The following CDH5 variants were observed in gnomAD, a reference collection of about 807,000 sequenced individuals.
CDH5 encodes cadherin-5.
Under a neutral mutation model 62.0 loss-of-function variants are expected in CDH5, and 28 were observed. The ratio of observed to expected loss-of-function variants is 0.45; its 90% confidence interval spans 0.33 to 0.62. The LOEUF is 0.62. CDH5 is among the 20% of genes least tolerant of loss of function. The pLI is 0.02. For synonymous variants in CDH5, 464 were observed against 445.8 expected (o/e 1.04, Z -0.52); for missense variants, 940 against 1,065.1 (o/e 0.88, Z 1.63).
At position 66,386,884 on chromosome 16, in the gene CDH5, G is replaced by T; in HGVS notation, c.286G>T (p.Asp96Tyr). 4 of 1,614,188 alleles carry T rather than the reference G, an allele frequency of 2.5e-6. No individual in the cohort carries two copies. The highest frequency in any genetic ancestry group is 1.6e-4 in the Middle Eastern group (1 of 6,062). ...ATATGTGGGCAAGGTCTTCCGGGTC[G>T]ATGCAGAGACAGGAGACGTGTTCGC... is the stretch of plus-strand genomic sequence containing the variant. Reference protein sequence around the residue: ...GEYVGKVFRVDAETGDVFAIE... With the variant: ...GEYVGKVFRVYAETGDVFAIE... Residue 96 changes from aspartate to tyrosine, a missense_variant, in exon 3 of 12, where the codon GAT (aspartate) becomes TAT (tyrosine). Coordinates refer to ENST00000341529, the MANE Select transcript of CDH5 (RefSeq NM_001795.5).
chr16:66,387,213 T>C (rs1034568665), intron 3 of CDH5, 116 bp downstream of exon 3: 75 of 922,954 alleles, frequency 8.1e-5, no homozygotes, highest in Non-Finnish European at 1.1e-4. Flanking sequence ...GGGTAGTGAT[T>C]GTAATGCCTG....
chr16:66,403,195 G>T lies in CDH5; in HGVS notation c.*26G>T. The T allele has an allele frequency of 1.3e-6, 2 of 1,586,160 alleles. No individual in the cohort carries two copies. The highest frequency in any genetic ancestry group is 1.1e-5 in the South Asian group (1 of 88,214). ...GCGGCCGAGGTCACTCTGGGCCTGG[G>T]GACCCAAACCCCCTGCAGCCCAGGC... On this transcript the variant is annotated 3_prime_UTR_variant, in exon 12 of 12. Transcript: ENST00000341529. The surrounding 1 kb of genome is among the most constrained non-coding windows in gnomAD (Gnocchi z 4.3).
intron 10 of CDH5, among the ~76,000 whole-genome samples, chr16:66,400,262 T>C (rs367805576): frequency 6.6e-6 from 1 of 152,246 alleles, no homozygotes; most frequent in Admixed American, 6.5e-5. Flanking sequence ...GTAATCATTT[T>C]CTCTGTGCCC....
chr16:66,402,956 C>G lies in CDH5; in HGVS notation c.2142C>G (p.Asp714Glu), dbSNP rs772939635. ...EMAAMIEVKK[D>E]EADHDGDGPP... is the part of the protein sequence containing the mutation. Reference sequence around the variant, plus strand: ...CAGCCATGATCGAGGTGAAGAAGGACGAGGCGGACCACGACGGCGACGGCC... The same window carrying G: ...CAGCCATGATCGAGGTGAAGAAGGAGGAGGCGGACCACGACGGCGACGGCC... Residue 714 changes from aspartate to glutamate, a missense_variant, in exon 12 of 12, where the codon GAC (aspartate) becomes GAG (glutamate). Physicochemically the swap from Asp to Glu is conservative, Grantham distance 45 (BLOSUM62 2). Coordinates refer to ENST00000341529, the MANE Select transcript of CDH5 (RefSeq NM_001795.5). 2.5e-6 allele frequency: 4 copies of G among 1,612,792 alleles called. No homozygotes were observed. Among genetic ancestry groups the G allele is most frequent in the Non-Finnish European group, 3.4e-6 (4 of 1,179,930 alleles).
At chr16:66,370,322 T>G (rs918678929) in intron 1 of CDH5, among the ~76,000 whole-genome samples, 54 of 152,070 alleles carry the variant, frequency 3.6e-4, no homozygotes, top group Admixed American at 3.1e-3. Flanking sequence ...AGAAGGATAA[T>G]TTTGTTGTCA....
chr16:66,395,695 C>T (rs975463082), intron 7 of CDH5: 20 of 167,772 alleles, frequency 1.2e-4, no homozygotes, highest in Non-Finnish European at 2.2e-4. Flanking sequence ...TACTTCTTAT[C>T]TCTTCCAGCT....
At chr16:66,400,588 C>A (rs919345846) in intron 10 of CDH5, among the ~76,000 whole-genome samples, 183 bp from the exon 11 acceptor site, 5 of 152,280 alleles carry the variant, frequency 3.3e-5, no homozygotes, top group Admixed American at 2.0e-4. Context: ...CCCAAAATAT[C>A]CCCTCTGTGG....
At chr16:66,371,562 C>T (rs534938936) in intron 1 of CDH5, among the ~76,000 whole-genome samples, 2 of 152,304 alleles carry the variant, frequency 1.3e-5, no homozygotes, top group African/African-American at 4.8e-5. Context: ...GGGGTGTGCA[C>T]TTGTGAAGGC....
rs1045649459 is a variant in CDH5 at position 66,390,020 on chromosome 16, A to T, written c.782-383A>T. On this transcript the variant is annotated intron_variant, in intron 5 of 11. Coordinates refer to ENST00000341529, the MANE Select transcript of CDH5 (RefSeq NM_001795.5). ...CCATGCCTGGGGCAGATGGCTCTCC[A>T]CTTGCAACTCCCAGTGCTGATACTG... is the stretch of plus-strand genomic sequence containing the variant. Among the ~76,000 whole-genome samples, 4 of 152,216 alleles carry T rather than the reference A, an allele frequency of 2.6e-5. No individual in the cohort carries two copies. The East Asian group carries it at 7.7e-4, about 29-fold the overall frequency.
intron 11 of CDH5, among the ~76,000 whole-genome samples, 189 bp from the exon 12 acceptor site, chr16:66,402,463 C>A (rs1961300993): frequency 1.1e-5 from 1 of 89,820 alleles, no homozygotes; most frequent in East Asian, 4.4e-4. Flanking sequence ...TATGGGGGAA[C>A]GGCGGGGATG....
At chr16:66,392,524 A>G in intron 7 of CDH5, 141 bp downstream of exon 7, 2 of 1,197,464 alleles carry the variant, frequency 1.7e-6, no homozygotes, top group Non-Finnish European at 2.3e-6. Context: ...GCAAGACCAG[A>G]AGCCCAAGCT....
chr16:66,387,121 C>T, intron 3 of CDH5, 24 bp downstream of exon 3: 1 of 1,593,886 alleles, frequency 6.3e-7, no homozygotes, highest in East Asian at 2.2e-5. Context: ...CCACTCTGTC[C>T]TCCTCCCTCC....
intron 2 of CDH5, among the ~76,000 whole-genome samples, chr16:66,386,081 G>A (rs1415220391): frequency 2.6e-5 from 4 of 152,138 alleles, no homozygotes; most frequent in South Asian, 2.1e-4. Context: ...CTAAAACTTA[G>A]AGAGGTTAAG....
rs754669269 is a variant in CDH5 at position 66,403,059 on chromosome 16, G to C, written c.2245G>C (p.Asp749His). 1.9e-6 allele frequency: 3 copies of C among 1,613,522 alleles called. No individual in the cohort carries two copies. The highest frequency in any genetic ancestry group is 1.7e-6 in the Non-Finnish European group (2 of 1,179,794). Residue 749 changes from aspartate (D) to histidine (H), a missense_variant, in exon 12 of 12, where the codon GAC (aspartate) becomes CAC (histidine). Coordinates refer to ENST00000341529, the MANE Select transcript of CDH5 (RefSeq NM_001795.5). This position sits in a 1 kb window ranked among gnomAD's most constrained non-coding sequence, Gnocchi z 4.3. ...IAESLSSLGT[D>H]SSDSDVDYDF... ...CGAGTCCCTCAGCTCCCTGGGCACC[G>C]ACTCATCCGACTCTGACGTGGATTA... is the stretch of plus-strand genomic sequence containing the variant.
At chr16:66,395,982 G>A in intron 7 of CDH5, 77 bp from the exon 8 acceptor site, 3 of 1,460,944 alleles carry the variant, frequency 2.1e-6, no homozygotes, top group Non-Finnish European at 2.8e-6. Flanking sequence ...GATGCAGAAG[G>A]GCCTTGTCCA....
intron 1 of CDH5, among the ~76,000 whole-genome samples, chr16:66,374,512 C>T (rs751205769): frequency 1.3e-5 from 2 of 152,190 alleles, no homozygotes; most frequent in African/African-American, 4.8e-5. Flanking sequence ...AGCAGCAGGG[C>T]CCCTGCTGGA....
intron 1 of CDH5, among the ~76,000 whole-genome samples, chr16:66,368,004 G>T (rs935158917): frequency 3.9e-5 from 6 of 152,152 alleles, no homozygotes; most frequent in African/African-American, 1.4e-4. Flanking sequence ...ATCACGGAGG[G>T]GTCCTCAGGT....
At chr16:66,399,173 T>TA (rs1235490373) in intron 10 of CDH5, among the ~76,000 whole-genome samples, 1 of 152,224 alleles carries the variant, frequency 6.6e-6, no homozygotes, top group African/African-American at 2.4e-5. Flanking sequence ...TTAATTCAGC[T>TA]ACAACGATTA....
intron 1 of CDH5, among the ~76,000 whole-genome samples, chr16:66,367,624 G>A (rs1377008097): frequency 2.0e-5 from 3 of 152,198 alleles, no homozygotes; most frequent in African/African-American, 7.2e-5. Flanking sequence ...CCAAACCACA[G>A]TGGGGAACAA....
Sources: allele counts gnomAD v4.1 joint callset (sites outside exome capture counted in the v4.1 genomes callset), GRCh38; gene constraint gnomAD v4.1.1; non-coding constraint Gnocchi (gnomAD v3.1); transcripts MANE v1.5; gene names NCBI Gene and HGNC (gene_info 2026-07-23, HGNC 2026-07-21).